GABRG3: variants seen among roughly 807,000 people sequenced by gnomAD.
GABRG3 encodes the protein gamma-aminobutyric acid receptor subunit gamma-3.
GABRG3 carries 25 observed loss-of-function variants against 48.8 expected under a neutral mutation model. That is an observed-to-expected ratio of 0.51 (90% CI 0.37 to 0.72). GABRG3 has a LOEUF of 0.72. GABRG3 is among the 30% of genes least tolerant of loss of function. The pLI is 0.00. For missense variants in GABRG3, 394 were observed against 577.9 expected (o/e 0.68, Z 3.26); for synonymous variants, 227 against 217.6 (o/e 1.04, Z -0.38).
At chr15:27,442,978 G>A (rs1045792504) in intron 5 of GABRG3, among the ~76,000 whole-genome samples, 3 of 152,148 alleles carry the variant, frequency 2.0e-5, no homozygotes, top group Non-Finnish European at 4.4e-5. Flanking sequence ...ACCAGAGCTT[G>A]GCCCTCCCCA....
intron 5 of GABRG3, among the ~76,000 whole-genome samples, chr15:27,461,751 A>G (rs1889456202): frequency 6.6e-6 from 1 of 152,148 alleles, no homozygotes; most frequent in Admixed American, 6.5e-5. Context: ...CTTTAGCTAG[A>G]CAGAAAAATT....
chr15:27,464,770 C>A (rs375467800), intron 5 of GABRG3, among the ~76,000 whole-genome samples: 4 of 152,094 alleles, frequency 2.6e-5, no homozygotes, highest in Admixed American at 1.3e-4. Flanking sequence ...TTAAAAAATT[C>A]TATTTAAATT....
intron 3 of GABRG3, among the ~76,000 whole-genome samples, chr15:27,154,695 G>A (rs28688333): frequency 0.047 from 7,073 of 152,094 alleles, 253 homozygotes; most frequent in African/African-American, 0.093. Context: ...TGTGGTCATT[G>A]TATATAATTA....
At position 27,215,412 on chromosome 15, in the gene GABRG3, C is replaced by T. The variant is rs142423899; in HGVS notation, c.271-111397C>T. ...CCTAAGGGCCAGGATTGGAGAGAAGCAAGGGCTCTCCCAGATGCACCCCAT... is the reference window on the plus strand; with the variant it reads ...CCTAAGGGCCAGGATTGGAGAGAAGTAAGGGCTCTCCCAGATGCACCCCAT... On this transcript the variant is annotated intron_variant, in intron 3 of 9. Transcript: ENST00000615808. Among the ~76,000 whole-genome samples, 672 of 152,314 alleles carry T rather than the reference C, an allele frequency of 4.4e-3. 6 individuals are homozygous for T. Among genetic ancestry groups the T allele is most frequent in the African/African-American group, 0.015 (636 of 41,582 alleles).
chr15:26,994,160 G>A (rs1474487140), intron 2 of GABRG3, among the ~76,000 whole-genome samples: 1 of 151,690 alleles, frequency 6.6e-6, no homozygotes, highest in Non-Finnish European at 1.5e-5. Flanking sequence ...CATCCATTCA[G>A]CCCTCCATGT....
intron 3 of GABRG3, among the ~76,000 whole-genome samples, chr15:27,111,969 A>C (rs1897558016): frequency 6.6e-6 from 1 of 152,108 alleles, no homozygotes; most frequent in Admixed American, 6.6e-5. Context: ...TACACTCCCC[A>C]TTCCTCTGCC....
rs544820674 is a variant in GABRG3, at chr15:27,406,048, A to T, written c.575-74602A>T. Among the ~76,000 whole-genome samples, 13 of 152,290 alleles carry T rather than the reference A, an allele frequency of 8.5e-5. No homozygotes were observed. In the South Asian group the frequency reaches 2.7e-3, roughly 32 times the overall value. ...GGTGTGCACCTGTAATCCCAGCTACATGAGAAGCTGAGGCAGGAGGATTGC... is the reference window on the plus strand; with the variant it reads ...GGTGTGCACCTGTAATCCCAGCTACTTGAGAAGCTGAGGCAGGAGGATTGC... On this transcript the variant is annotated intron_variant, in intron 5 of 9. Transcript: ENST00000615808.
chr15:27,230,911 G>A (rs1038195133), intron 3 of GABRG3, among the ~76,000 whole-genome samples: 1 of 152,104 alleles, frequency 6.6e-6, no homozygotes, highest in African/African-American at 2.4e-5. Context: ...AGCAGGGTGA[G>A]GAGCAGCTAA....
chr15:27,399,449 T>A (rs1483979874), intron 5 of GABRG3, among the ~76,000 whole-genome samples: 2 of 152,242 alleles, frequency 1.3e-5, no homozygotes, highest in Non-Finnish European at 1.5e-5. Flanking sequence ...AGTGCCTTAT[T>A]TAATTACATG....
intron 5 of GABRG3, among the ~76,000 whole-genome samples, chr15:27,377,518 G>A (rs1895635896): frequency 6.6e-6 from 1 of 152,216 alleles, no homozygotes; most frequent in Non-Finnish European, 1.5e-5. Context: ...TAAAAGGCAT[G>A]TCTCTTGTGG....
chr15:27,435,140 C>T (rs1402504823), intron 5 of GABRG3, among the ~76,000 whole-genome samples: 2 of 151,450 alleles, frequency 1.3e-5, no homozygotes, highest in Non-Finnish European at 1.5e-5. Context: ...GGGTCTTCCC[C>T]ATCACCCTAT....
chr15:27,261,475 G>T (rs775509277), intron 3 of GABRG3, among the ~76,000 whole-genome samples: 1 of 150,910 alleles, frequency 6.6e-6, no homozygotes, highest in Non-Finnish European at 1.5e-5. Context: ...GATGGGCAGG[G>T]GTGCTGTTAA....
chr15:27,182,685 G>A (rs778414356), intron 3 of GABRG3, among the ~76,000 whole-genome samples: 8 of 152,236 alleles, frequency 5.3e-5, no homozygotes, highest in Non-Finnish European at 7.4e-5. Context: ...CCACAGGGCC[G>A]CCAAGCAAAG....
chr15:27,251,407 C>A (rs920040463), intron 3 of GABRG3, among the ~76,000 whole-genome samples: 1 of 152,118 alleles, frequency 6.6e-6, no homozygotes, highest in Non-Finnish European at 1.5e-5. Context: ...TGCTCAGAGA[C>A]GCAAAGGGAG....
At chr15:27,501,097 G>T (rs531666976) in intron 6 of GABRG3, among the ~76,000 whole-genome samples, 2 of 151,776 alleles carry the variant, frequency 1.3e-5, no homozygotes, top group African/African-American at 2.4e-5. Context: ...GACTACAGGC[G>T]CCCGCCACCA....
intron 3 of GABRG3, among the ~76,000 whole-genome samples, chr15:27,322,189 C>G (rs771937770): frequency 6.6e-6 from 1 of 152,146 alleles, no homozygotes; most frequent in Non-Finnish European, 1.5e-5. Flanking sequence ...GGAAGTGTTT[C>G]TTCAACATTT....
chr15:27,434,306 A>G (rs1467918061), intron 5 of GABRG3, among the ~76,000 whole-genome samples: 4 of 152,182 alleles, frequency 2.6e-5, no homozygotes, highest in East Asian at 1.9e-4. Flanking sequence ...CATTTTGTCA[A>G]ATAAAATTCT....
At chr15:27,525,572 A>C (rs1266167299) in intron 7 of GABRG3, among the ~76,000 whole-genome samples, 1 of 152,198 alleles carries the variant, frequency 6.6e-6, no homozygotes, top group African/African-American at 2.4e-5. Context: ...CATTGCCTAC[A>C]TCTGGAATAC....
At chr15:27,519,847 T>C in intron 6 of GABRG3, 125 bp from the exon 7 acceptor site, 1 of 691,750 alleles carries the variant, frequency 1.4e-6, no homozygotes, top group Non-Finnish European at 2.4e-6. Context: ...TTTCCTGATT[T>C]GATATTGTTG....
Sources: allele counts gnomAD v4.1 joint callset (sites outside exome capture counted in the v4.1 genomes callset), GRCh38; gene constraint gnomAD v4.1.1; transcripts MANE v1.5; gene names NCBI Gene and HGNC (gene_info 2026-07-23, HGNC 2026-07-21).